The following STAT4 variants were observed in gnomAD, a reference collection of about 807,000 sequenced individuals.
The protein encoded by STAT4 is signal transducer and activator of transcription 4.
A neutral mutation model predicts 110.5 loss-of-function variants in STAT4; 42 were observed. The ratio of observed to expected loss-of-function variants is 0.38; its 90% CI spans 0.30 to 0.49. The LOEUF (loss-of-function observed/expected upper bound fraction) is 0.49. STAT4 is among the 20% of genes least tolerant of loss of function. STAT4 has a pLI of 0.95. For synonymous variants in STAT4, 284 were observed against 302.2 expected (o/e 0.94, Z 0.63); for missense variants, 632 against 887.9 (o/e 0.71, Z 3.66).
chr2:191,139,146 T>C (rs1699255459), intron 3 of STAT4, among the ~76,000 whole-genome samples: 1 of 151,868 alleles, frequency 6.6e-6, no homozygotes. Flanking sequence ...AACATTATAC[T>C]GAATGGGGAA....
At position 191,035,767 on chromosome 2, in the gene STAT4, C is replaced by T. The variant is rs920410867; in HGVS notation, c.1570+397G>A. Among the ~76,000 whole-genome samples, 1 of 152,140 alleles carries T rather than the reference C, an allele frequency of 6.6e-6. No individual in the cohort carries two copies. The highest frequency in any genetic ancestry group is 1.5e-5 in the Non-Finnish European group (1 of 68,016). On this transcript the variant is annotated intron_variant, in intron 17 of 23. Coordinates refer to ENST00000392320, the MANE Select transcript of STAT4 (RefSeq NM_003151.4). The surrounding 1 kb of genome is among the most constrained non-coding windows in gnomAD (Gnocchi z 4.7). Reference sequence around the variant, plus strand: ...ATGTCAATTGAGACGTTCGTATGAACGATCATATGAGGCACCATTAAGGGT... The same window carrying T: ...ATGTCAATTGAGACGTTCGTATGAATGATCATATGAGGCACCATTAAGGGT...
At chr2:191,049,267 C>T (rs535762860) in intron 14 of STAT4, among the ~76,000 whole-genome samples, 2 of 151,038 alleles carry the variant, frequency 1.3e-5, no homozygotes, top group African/African-American at 4.9e-5. Flanking sequence ...CTCTGCCTCC[C>T]GGGTTCATGC....
intron 3 of STAT4, among the ~76,000 whole-genome samples, chr2:191,106,513 G>A (rs1017208955): frequency 2.6e-5 from 4 of 151,794 alleles, no homozygotes; most frequent in East Asian, 1.9e-4. Context: ...AAAATTAGCC[G>A]GGCATGGTGG....
chr2:191,131,796 T>C, intron 3 of STAT4: 1 of 1,356,038 alleles, frequency 7.4e-7, no homozygotes. Context: ...ATCATCTGAA[T>C]GTCCCAGGTG....
At chr2:191,092,919 C>A (rs999547256) in intron 3 of STAT4, among the ~76,000 whole-genome samples, 1 of 152,242 alleles carries the variant, frequency 6.6e-6, no homozygotes, top group Non-Finnish European at 1.5e-5. Context: ...CGGTGGGTCC[C>A]ATGCCCATGG....
intron 14 of STAT4, among the ~76,000 whole-genome samples, chr2:191,047,632 C>T (rs954879578): frequency 1.3e-5 from 2 of 151,944 alleles, no homozygotes; most frequent in African/African-American, 4.8e-5. Context: ...TCTTATAGGT[C>T]CCATCACTCT....
rs970979525 is a variant in STAT4 at position 191,144,205 on chromosome 2, T to C, written c.273+2408A>G. ...ACCTTGTGACCTGGTTTGACACACA[T>C]GCAACACAGATGAAAGGGACAGAAG... On this transcript the variant is annotated intron_variant, in intron 3 of 23. Coordinates refer to ENST00000392320, the MANE Select transcript of STAT4 (RefSeq NM_003151.4). This position sits in a 1 kb window ranked among gnomAD's most constrained non-coding sequence, Gnocchi z 4.7. Among the ~76,000 whole-genome samples, 3 of 152,176 alleles carry C rather than the reference T, an allele frequency of 2.0e-5. No individual in the cohort carries two copies. Among genetic ancestry groups the C allele is most frequent in the Non-Finnish European group, 2.9e-5 (2 of 68,030 alleles).
chr2:191,097,854 C>G (rs961654833), intron 3 of STAT4, among the ~76,000 whole-genome samples: 5 of 152,040 alleles, frequency 3.3e-5, no homozygotes, highest in Non-Finnish European at 5.9e-5. Flanking sequence ...GTTTTGCAAT[C>G]TACCCATCTG....
In STAT4 at chr2:191,083,552, C is replaced by T. The variant is rs889403406; in HGVS notation, c.274-7227G>A. 2.0e-5 allele frequency among the ~76,000 whole-genome samples: 3 copies of T among 152,162 alleles called. No individual in the cohort carries two copies. Among genetic ancestry groups the T allele is most frequent in the Non-Finnish European group, 2.9e-5 (2 of 68,040 alleles). On this transcript the variant is annotated intron_variant, in intron 3 of 23. Coordinates refer to ENST00000392320, the MANE Select transcript of STAT4 (RefSeq NM_003151.4). The surrounding 1 kb of genome is among the most constrained non-coding windows in gnomAD (Gnocchi z 4.6). ...TTCTCATTTTTTTAACTACCTACAA[C>T]CATACTTCTCTCAAATGTAGATATT...
Position 191,066,366 on chromosome 2 carries a change from T to C in STAT4, c.630+64A>G. On this transcript the variant is annotated intron_variant, in intron 7 of 23. Transcript: ENST00000392320. The surrounding 1 kb of genome is among the most constrained non-coding windows in gnomAD (Gnocchi z 4.3). The stretch of plus-strand genomic sequence containing the variant: ...AATCTGACAGCTTGATTATTTTCAG[T>C]TAGTCTAAGTTTAGAAAAAAGGAGA... The C allele has an allele frequency of 7.3e-7, 1 of 1,371,620 alleles. No individual in the cohort carries two copies. Among genetic ancestry groups the C allele is most frequent in the Admixed American group, 1.8e-5 (1 of 55,858 alleles). The allele number at this position is 1,371,620 out of a possible 1,614,324, so 85.0% of individuals were successfully genotyped here. A position where few individuals can be genotyped will look rare whatever the true frequency, so the allele number is the denominator to read the frequency against.
In STAT4 at chr2:191,050,985, C is replaced by T. The variant is rs985893207; in HGVS notation, c.1251+3505G>A. Among the ~76,000 whole-genome samples the T allele has an allele frequency of 1.3e-5, 2 of 152,130 alleles. No homozygotes were observed. The highest frequency in any genetic ancestry group is 4.8e-5 in the African/African-American group (2 of 41,410). On this transcript the variant is annotated intron_variant, in intron 14 of 23. Transcript: ENST00000392320. This position sits in a 1 kb window ranked among gnomAD's most constrained non-coding sequence, Gnocchi z 4.3. ...TCAATCATTTAATAACTATCTGATA[C>T]AAAGTCTTACAACCAAAAAGTAGAA...
Position 191,050,723 on chromosome 2 carries a change from C to A in STAT4, c.1251+3767G>T, listed in dbSNP as rs944109011. 6.6e-6 allele frequency among the ~76,000 whole-genome samples: 1 copy of A among 152,122 alleles called. No individual in the cohort carries two copies. Among genetic ancestry groups the A allele is most frequent in the Non-Finnish European group, 1.5e-5 (1 of 68,034 alleles). ...GAGCCAGAGCTCCACATTTCCCCAA[C>A]CCCCAGGGCAAATGGGGTTCCTGAG... On this transcript the variant is annotated intron_variant, in intron 14 of 23. Transcript: ENST00000392320. The surrounding 1 kb of genome is among the most constrained non-coding windows in gnomAD (Gnocchi z 4.3).
chr2:191,058,291 T>TTTTA lies in STAT4; in HGVS notation c.1095-76_1095-73dup, dbSNP rs1241251267. 1.0e-4 allele frequency: 143 copies of TTTTA among 1,380,684 alleles called. No homozygotes were observed. The African/African-American group carries it at 1.7e-3, about 16-fold the overall frequency. The allele number at this position is 1,380,684 out of a possible 1,614,324, so 85.5% of individuals were successfully genotyped here. A position where few individuals can be genotyped will look rare whatever the true frequency, so the allele number is the denominator to read the frequency against. On this transcript the variant is annotated intron_variant, in intron 11 of 23. Coordinates refer to ENST00000392320, the MANE Select transcript of STAT4 (RefSeq NM_003151.4). This position sits in a 1 kb window ranked among gnomAD's most constrained non-coding sequence, Gnocchi z 4.3. ...AGGAATAACTTTCTATGATAGTTTATTTTATTTATTTATTTATTTATTTTG... is the reference window on the plus strand; with the variant it reads ...AGGAATAACTTTCTATGATAGTTTATTTTATTTATTTATTTATTTATTTATTTTG...
At chr2:191,064,663 C>A (rs1170087212) in intron 8 of STAT4, 144 bp downstream of exon 8, 2 of 1,009,128 alleles carry the variant, frequency 2.0e-6, no homozygotes, top group Non-Finnish European at 2.8e-6. Context: ...TTGTTTTCAA[C>A]TGTAGATTTC....
intron 5 of STAT4, among the ~76,000 whole-genome samples, chr2:191,072,438 G>T (rs1413010578): frequency 6.6e-6 from 1 of 152,116 alleles, no homozygotes; most frequent in Non-Finnish European, 1.5e-5. Context: ...TGTTATGGAG[G>T]ATCACTAAAT....
At chr2:191,128,776 A>C (rs1298460044) in intron 3 of STAT4, among the ~76,000 whole-genome samples, 1 of 152,210 alleles carries the variant, frequency 6.6e-6, no homozygotes, top group Non-Finnish European at 1.5e-5. Context: ...CTGTATAGGC[A>C]GTGAGATTAC....
In STAT4 at chr2:191,031,738, C is replaced by G. The variant is rs1310504873; in HGVS notation, c.2045-222G>C. The stretch of plus-strand genomic sequence containing the variant: ...AAACAAATCTCTTGGCAGGCCTAAT[C>G]TGACTTTACATATTAATGCCTCTAA... On this transcript the variant is annotated intron_variant, in intron 21 of 23. Transcript: ENST00000392320. The surrounding 1 kb of genome is among the most constrained non-coding windows in gnomAD (Gnocchi z 4.8). 1.3e-5 allele frequency among the ~76,000 whole-genome samples: 2 copies of G among 152,186 alleles called. No individual in the cohort carries two copies. The highest frequency in any genetic ancestry group is 2.9e-5 in the Non-Finnish European group (2 of 68,030).
intron 14 of STAT4, chr2:191,041,591 A>C (rs1338808667): frequency 6.6e-6 from 1 of 152,238 alleles, no homozygotes; most frequent in African/African-American, 2.4e-5. Context: ...TGGTAGGTGG[A>C]GTACATGTAT....
At chr2:191,036,346 T>G (rs778745705) in intron 16 of STAT4, 47 bp from the exon 17 acceptor site, 2 of 1,601,204 alleles carry the variant, frequency 1.2e-6, no homozygotes, top group Non-Finnish European at 1.7e-6. Context: ...TTACAGTGGG[T>G]AGCTAGTGAG....
Sources: allele counts gnomAD v4.1 joint callset (sites outside exome capture counted in the v4.1 genomes callset), GRCh38; gene constraint gnomAD v4.1.1; non-coding constraint Gnocchi (gnomAD v3.1); transcripts MANE v1.5; gene names NCBI Gene and HGNC (gene_info 2026-07-23, HGNC 2026-07-21).